CKAP5: variants seen among roughly 807,000 people sequenced by gnomAD.
CKAP5 encodes the protein cytoskeleton associated protein 5.
CKAP5 carries 27 observed loss-of-function variants against 232.8 expected under a neutral mutation model. That is an observed-to-expected ratio of 0.12 (90% confidence interval 0.09 to 0.16). The LOEUF is 0.16. CKAP5 is among the 10% of genes least tolerant of loss of function. CKAP5 has a pLI of 1.00. For synonymous variants in CKAP5, 785 were observed against 841.1 expected (o/e 0.93, Z 1.16); for missense variants, 1,838 against 2,424.7 (o/e 0.76, Z 5.08).
chr11:46,774,876 C>T (rs1312663642), intron 24 of CKAP5, among the ~76,000 whole-genome samples: 1 of 152,030 alleles, frequency 6.6e-6, no homozygotes, highest in Non-Finnish European at 1.5e-5. Flanking sequence ...GACCTTAAAC[C>T]ATAAAAACCC....
chr11:46,750,235 T>C (rs1168080835), intron 42 of CKAP5, 39 bp downstream of exon 42: 2 of 1,595,696 alleles, frequency 1.3e-6, no homozygotes, highest in African/African-American at 1.4e-5. Flanking sequence ...CTAGGAGCTA[T>C]TTTGAGCTTA....
intron 41 of CKAP5, 44 bp from the exon 42 acceptor site, chr11:46,750,477 T>C: frequency 6.2e-7 from 1 of 1,612,414 alleles, no homozygotes; most frequent in Non-Finnish European, 8.5e-7. Flanking sequence ...AATGTTAGTG[T>C]CCCTTTACCA....
rs772826562 is a variant in CKAP5, at chr11:46,788,754, C to T, written c.1895G>A (p.Arg632Gln). The T allele has an allele frequency of 9.3e-6, 15 of 1,608,050 alleles. No individual in the cohort carries two copies. The highest frequency in any genetic ancestry group is 2.2e-5 in the South Asian group (2 of 89,810). The change falls in exon 16 of 44, where the codon CGA (arginine) becomes CAA (glutamine). Residue 632 changes from arginine to glutamine, a missense_variant. By Grantham distance (43) the Arg-to-Gln change is conservative. Around this residue, in one of 6 missense-constraint regions of CKAP5, gnomAD observed 767 missense variants for 954.6 expected, o/e 0.80. Coordinates refer to ENST00000529230, the MANE Select transcript of CKAP5 (RefSeq NM_001008938.4). The stretch of plus-strand genomic sequence containing the variant: ...TAATGCCTGGCATGGCATTTCAGTT[C>T]GGTCCATTAGCTCAACAGCCTTGAA... ...EFQKAVELMD[R>Q]TEMPCQALVR...
chr11:46,788,303 G>A (rs753487810), intron 16 of CKAP5, among the ~76,000 whole-genome samples: 3 of 152,222 alleles, frequency 2.0e-5, no homozygotes, highest in Non-Finnish European at 4.4e-5. Context: ...AGCTGGGCGC[G>A]GTGGCTCACG....
chr11:46,797,725 G>A, intron 11 of CKAP5, 80 bp downstream of exon 11: 1 of 1,368,058 alleles, frequency 7.3e-7, no homozygotes, highest in Non-Finnish European at 1.0e-6. Flanking sequence ...TGAAAGTCAA[G>A]TAGTCACTGT....
intron 10 of CKAP5, 52 bp downstream of exon 10, chr11:46,798,031 T>C (rs1938921664): frequency 6.2e-7 from 1 of 1,605,052 alleles, no homozygotes; most frequent in South Asian, 1.1e-5. Flanking sequence ...CAAAATATTA[T>C]ATTTACAAAC....
chr11:46,841,646 G>A (rs1244606221), intron 1 of CKAP5, among the ~76,000 whole-genome samples: 1 of 152,146 alleles, frequency 6.6e-6, no homozygotes, highest in Non-Finnish European at 1.5e-5. Context: ...TCCAGAGATG[G>A]ATCCAACTGC....
At chr11:46,761,472 A>C (rs994362505) in intron 32 of CKAP5, among the ~76,000 whole-genome samples, 2 of 152,114 alleles carry the variant, frequency 1.3e-5, no homozygotes, top group Non-Finnish European at 2.9e-5. Context: ...AATATAAGTA[A>C]ACATATTTAA....
rs201908100 is a variant in CKAP5 at position 46,751,262 on chromosome 11, G to A, written c.5323-7C>T. ...TCGTTAGGTGGTCCAGGATCTGAGG[G>A]AGACACATGCATGACTGATAGCACT... On this transcript the variant is annotated splice_polypyrimidine_tract_variant and splice_region_variant and intron_variant, in intron 39 of 43. Transcript: ENST00000529230. 1.9e-6 allele frequency: 3 copies of A among 1,614,068 alleles called. No homozygotes were observed. The highest frequency in any genetic ancestry group is 2.5e-6 in the Non-Finnish European group (3 of 1,180,052).
Position 46,818,418 on chromosome 11 carries a change from T to G in CKAP5, c.143A>C (p.Lys48Thr), listed in dbSNP as rs773453324. 2.0e-5 allele frequency: 33 copies of G among 1,612,130 alleles called. No homozygotes were observed. The highest frequency in any genetic ancestry group is 5.3e-5 in the African/African-American group (4 of 74,788). ...IKDEKSPEWS[K>T]FLGLIKKFVT... is the part of the protein sequence containing the mutation. The stretch of plus-strand genomic sequence containing the variant: ...AAATTTTTTGATCAATCCTAAAAAT[T>G]TGGACCACTCTGGGCTCTTTTCATC... The change falls in exon 3 of 44, where the codon AAA (lysine) becomes ACA (threonine). Residue 48 changes from lysine (K) to threonine (T), a missense_variant. Lys to Thr is a moderately conservative substitution (Grantham distance 78). Transcript: ENST00000529230.
rs141348433 is a variant in CKAP5, at chr11:46,755,515, A to C, written c.4690-448T>G. On this transcript the variant is annotated intron_variant, in intron 35 of 43. Transcript: ENST00000529230. ...AGCCACCGCACCTGGCCCCATTTAA[A>C]TATAAATAACTAGTCCTTAGGGATT... is the stretch of plus-strand genomic sequence containing the variant. Among the ~76,000 whole-genome samples the C allele has an allele frequency of 8.6e-3, 1,310 of 152,104 alleles. 7 individuals carry two copies. The highest frequency in any genetic ancestry group is 0.013 in the Admixed American group (200 of 15,262).
At position 46,758,958 on chromosome 11, in the gene CKAP5, C is replaced by T; in HGVS notation, c.4654G>A (p.Gly1552Ser). The change falls in exon 35 of 44, where the codon GGT (glycine) becomes AGT (serine). Residue 1552 changes from glycine to serine, a missense_variant. Physicochemically the swap from Gly to Ser is moderately conservative, Grantham distance 56 (BLOSUM62 0). This residue lies in a region of CKAP5 where 579 missense variants were observed against 843.2 expected (regional missense o/e 0.69). Coordinates refer to ENST00000529230, the MANE Select transcript of CKAP5 (RefSeq NM_001008938.4). Reference protein sequence around the residue: ...INFIISQVASGDINTSIQALT... With the variant: ...INFIISQVASSDINTSIQALT... ...GCTTGGATACTTGTGTTGATGTCAC[C>T]ACTGGCTACTTGGGAGATAATGAAA... 6.2e-7 allele frequency: 1 copy of T among 1,613,742 alleles called. No individual in the cohort carries two copies. Among genetic ancestry groups the T allele is most frequent in the Middle Eastern group, 1.6e-4 (1 of 6,062 alleles).
At chr11:46,814,534 T>G (rs1275772707) in intron 4 of CKAP5, among the ~76,000 whole-genome samples, 1 of 152,064 alleles carries the variant, frequency 6.6e-6, no homozygotes, top group Non-Finnish European at 1.5e-5. Flanking sequence ...AGAGGTGAGA[T>G]GGATGATCTT....
In CKAP5 at chr11:46,751,357, T is replaced by C; in HGVS notation, c.5311A>G (p.Lys1771Glu). The C allele has an allele frequency of 1.2e-6, 2 of 1,613,824 alleles. No homozygotes were observed. The highest frequency in any genetic ancestry group is 1.7e-6 in the Non-Finnish European group (2 of 1,179,860). ...CGATTCTTACTCACCTTGGGCCCTT[T>C]TAATTTGCATAAGGTGTGTAGCAGG... ...KTLLHTLCKL[K>E]GPKILDHLTM... is the part of the protein sequence containing the mutation. Residue 1771 changes from lysine to glutamate, a missense_variant, in exon 39 of 44, where the codon AAA (lysine) becomes GAA (glutamate). By Grantham distance (56) the Lys-to-Glu change is moderately conservative. Coordinates refer to ENST00000529230, the MANE Select transcript of CKAP5 (RefSeq NM_001008938.4).
At chr11:46,785,323 C>T (rs1220753509) in intron 16 of CKAP5, among the ~76,000 whole-genome samples, 1 of 152,046 alleles carries the variant, frequency 6.6e-6, no homozygotes, top group Admixed American at 6.6e-5. Flanking sequence ...GACAAATACT[C>T]CCATTTATTT....
intron 3 of CKAP5, among the ~76,000 whole-genome samples, chr11:46,817,705 GAC>G (rs1389870499): frequency 2.6e-5 from 4 of 151,872 alleles, no homozygotes; most frequent in Non-Finnish European, 4.4e-5. Flanking sequence ...TCCTTTCAAT[GAC>G]ACAGAGACTA....
intron 8 of CKAP5, among the ~76,000 whole-genome samples, chr11:46,803,300 A>G (rs1939077040): frequency 6.6e-6 from 1 of 151,928 alleles, no homozygotes; most frequent in Non-Finnish European, 1.5e-5. Context: ...CAGACTTCAA[A>G]AAGATTTTTT....
At chr11:46,840,530 A>G (rs1940028048) in intron 1 of CKAP5, among the ~76,000 whole-genome samples, 2 of 152,194 alleles carry the variant, frequency 1.3e-5, no homozygotes, top group African/African-American at 4.8e-5. Context: ...GTTGTTTATT[A>G]TTTTTAATTG....
intron 25 of CKAP5, among the ~76,000 whole-genome samples, chr11:46,770,502 G>A (rs2065238564): frequency 6.6e-6 from 1 of 152,216 alleles, no homozygotes; most frequent in Admixed American, 6.5e-5. Context: ...CACGATCTCA[G>A]CTGATTGCAA....
Sources: gnomAD v4.1 joint callset for allele counts (sites outside exome capture counted in the v4.1 genomes callset) on GRCh38, gnomAD v4.1.1 for gene constraint, gnomAD v4.1.1 regional missense constraint, MANE v1.5 for transcripts, NCBI Gene and HGNC (gene_info 2026-07-23, HGNC 2026-07-21) for gene names.